Variants in MTAP observed in about 807,000 individuals in gnomAD.
MTAP encodes methylthioadenosine phosphorylase.
MTAP carries 33 observed loss-of-function variants against 33.6 expected under a neutral mutation model. The ratio of observed to expected loss-of-function variants is 0.98; its 90% CI spans 0.74 to 1.31. The LOEUF is 1.31. Among genes scored for constraint, MTAP ranks in the 40% most tolerant of loss-of-function variants. The pLI, the probability that MTAP is intolerant of heterozygous loss-of-function variation, is 0.00. For synonymous variants in MTAP, 148 were observed against 125.7 expected, an observed-to-expected ratio of 1.18 and a Z score of -1.19; for missense variants, 367 against 360.0, an observed-to-expected ratio of 1.02 and a Z score of -0.16.
chr9:21,816,935 A>T (rs1295163931), intron 3 of MTAP, among the ~76,000 whole-genome samples, 163 bp downstream of exon 3: 1 of 152,214 alleles, frequency 6.6e-6, no homozygotes, highest in Non-Finnish European at 1.5e-5. Flanking sequence ...GTTAAGTTAT[A>T]TTGACTTAGG....
chr9:21,861,349 A>G (rs1055896456), intron 7 of MTAP: 3 of 152,684 alleles, frequency 2.0e-5, no homozygotes, highest in Admixed American at 6.5e-5. Context: ...ATACATACAT[A>G]TACACACACA....
chr9:21,827,806 A>C (rs1022785879), intron 4 of MTAP, among the ~76,000 whole-genome samples: 2 of 152,166 alleles, frequency 1.3e-5, no homozygotes, highest in Non-Finnish European at 2.9e-5. Context: ...TCAAAATCTC[A>C]ATGGCTGTCA....
chr9:21,911,341 A>G (rs1278255622), intron 1 of MTAP, among the ~76,000 whole-genome samples: 1 of 152,196 alleles, frequency 6.6e-6, no homozygotes, highest in Non-Finnish European at 1.5e-5. Flanking sequence ...TCTCAGCACC[A>G]CACTGCACCT....
rs73649998 is a variant in MTAP, at chr9:21,921,740, G to A, written c.148-9268G>A. On this transcript the variant is annotated intron_variant, in intron 1 of 1. Transcript: ENST00000577563. ...AATCCTAGCACTTTGTGAGGCTGAA[G>A]AGGGCAGATGGCTTGAGCTCAGGAG... Among the ~76,000 whole-genome samples the A allele has an allele frequency of 4.3e-3, 662 of 152,260 alleles. 3 individuals are homozygous for A. The highest frequency in any genetic ancestry group is 0.014 in the African/African-American group (593 of 41,564).
intron 1 of MTAP, among the ~76,000 whole-genome samples, chr9:21,882,709 A>G (rs1818034452): frequency 6.6e-6 from 1 of 152,084 alleles, no homozygotes; most frequent in Non-Finnish European, 1.5e-5. Flanking sequence ...TGGTACATTT[A>G]CCAGAACTGA....
At chr9:21,852,730 A>AT (rs547083423) in intron 5 of MTAP, among the ~76,000 whole-genome samples, 411 of 151,900 alleles carry the variant, frequency 2.7e-3, no homozygotes, top group African/African-American at 9.3e-3. Flanking sequence ...AAGCCTGGTA[A>AT]TAATGGTTTC....
At chr9:21,870,398 C>G (rs1825919401), downstream of MTAP, among the ~76,000 whole-genome samples, 1 of 152,172 alleles carries the variant, frequency 6.6e-6, no homozygotes, top group Non-Finnish European at 1.5e-5. Context: ...AATGACCAGA[C>G]TAGTGCTTGG....
chr9:21,806,832 C>T (rs1278781836), intron 1 of MTAP, among the ~76,000 whole-genome samples: 2 of 152,106 alleles, frequency 1.3e-5, no homozygotes, highest in South Asian at 2.1e-4. Flanking sequence ...TACCATGGCT[C>T]CCCTGGGCAG....
intron 1 of MTAP, among the ~76,000 whole-genome samples, chr9:21,814,088 T>C (rs943112359): frequency 6.6e-6 from 1 of 152,130 alleles, no homozygotes; most frequent in African/African-American, 2.4e-5. Context: ...CTTAAGGAAA[T>C]TGTGGTGGAC....
intron 3 of MTAP, 130 bp from the exon 4 acceptor site, chr9:21,817,905 G>C: frequency 1.2e-6 from 1 of 837,130 alleles, no homozygotes; most frequent in South Asian, 2.1e-5. Context: ...CACTGGACTG[G>C]GTTCTAGGAG....
chr9:21,840,196 A>G (rs1351351430), intron 5 of MTAP, among the ~76,000 whole-genome samples: 2 of 151,962 alleles, frequency 1.3e-5, no homozygotes, highest in African/African-American at 4.8e-5. Context: ...ACTGCACTCC[A>G]GCCTGGGTGA....
intron 3 of MTAP, among the ~76,000 whole-genome samples, chr9:21,817,662 G>C (rs1380298998): frequency 6.6e-6 from 1 of 152,022 alleles, no homozygotes; most frequent in Non-Finnish European, 1.5e-5. Context: ...AAGCATGCAG[G>C]AGTCCGGCAG....
At chr9:21,928,611 T>G (rs1818906179) in intron 1 of MTAP, among the ~76,000 whole-genome samples, 1 of 152,016 alleles carries the variant, frequency 6.6e-6, no homozygotes, top group African/African-American at 2.4e-5. Context: ...TGATTCATCT[T>G]TTTTTCCCCA....
intron 6 of MTAP, among the ~76,000 whole-genome samples, chr9:21,856,587 A>G (rs962140418): frequency 4.6e-5 from 7 of 152,196 alleles, no homozygotes; most frequent in African/African-American, 1.4e-4. Context: ...GCTCAGTCTA[A>G]TAACATATGT....
chr9:21,910,766 A>G (rs899454288), intron 1 of MTAP, among the ~76,000 whole-genome samples: 19 of 152,136 alleles, frequency 1.2e-4, no homozygotes, highest in African/African-American at 4.1e-4. Context: ...CAGGTGTGCT[A>G]CCAGTATCAC....
Position 21,922,843 on chromosome 9 carries a change from C to T in MTAP, c.148-8165C>T, listed in dbSNP as rs1264960507. 1.3e-5 allele frequency among the ~76,000 whole-genome samples: 2 copies of T among 152,174 alleles called. No homozygotes were observed. The highest frequency in any genetic ancestry group is 2.9e-5 in the Non-Finnish European group (2 of 68,030). Reference sequence around the variant, plus strand: ...GACCTTGGAGTCCACACCATGTAGACCTGAAATACTAATGGCCCTCCTAGA... The same window carrying T: ...GACCTTGGAGTCCACACCATGTAGATCTGAAATACTAATGGCCCTCCTAGA... On this transcript the variant is annotated intron_variant, in intron 1 of 1. Transcript: ENST00000577563. This position sits in a 1 kb window ranked among gnomAD's most constrained non-coding sequence, Gnocchi z 4.8.
chr9:21,838,143 A>G lies in MTAP; in HGVS notation c.450+133A>G, dbSNP rs186332316. Reference sequence around the variant, plus strand: ...TTTGCTTTGTATTATGCAAAGTTTTATGAAGAGTTATTTCCTGTTGCTAAT... The same window carrying G: ...TTTGCTTTGTATTATGCAAAGTTTTGTGAAGAGTTATTTCCTGTTGCTAAT... On this transcript the variant is annotated intron_variant, in intron 5 of 7. Coordinates refer to ENST00000644715, the MANE Select transcript of MTAP (RefSeq NM_002451.4). 4.5e-6 allele frequency: 3 copies of G among 661,896 alleles called. No individual in the cohort carries two copies. In the Admixed American group the frequency reaches 8.1e-5, roughly 18 times the overall value. The allele number at this position is 661,896 out of a possible 1,614,324, so 41.0% of individuals were successfully genotyped here.
intron 1 of MTAP, among the ~76,000 whole-genome samples, chr9:21,923,004 C>G (rs934587043): frequency 6.6e-6 from 1 of 152,218 alleles, no homozygotes. Flanking sequence ...TGTGTGTGTT[C>G]TGAAACGGCC....
At chr9:21,861,118 A>C (rs1169733753) in intron 7 of MTAP, 1 of 152,140 alleles carries the variant, frequency 6.6e-6, no homozygotes, top group Non-Finnish European at 1.5e-5. Context: ...GTCTTTCAAA[A>C]GCTTGAAGTT....
Sources: allele counts gnomAD v4.1 joint callset (sites outside exome capture counted in the v4.1 genomes callset), GRCh38; gene constraint gnomAD v4.1.1; non-coding constraint Gnocchi (gnomAD v3.1); transcripts MANE v1.5; gene names NCBI Gene and HGNC (gene_info 2026-07-23, HGNC 2026-07-21).